DDX47: variants seen among roughly 807,000 people sequenced by gnomAD.
The protein encoded by DDX47 is DEAD-box helicase 47.
DDX47 carries 60 observed loss-of-function variants against 58.8 expected under a neutral mutation model. The ratio of observed to expected loss-of-function variants is 1.02; its 90% CI spans 0.83 to 1.26. DDX47 has a LOEUF of 1.26. Among genes scored for constraint, DDX47 ranks in the 50% most tolerant of loss-of-function variants. DDX47 has a pLI of 0.00. For synonymous variants in DDX47, 197 were observed against 204.6 expected (o/e 0.96, Z 0.32); for missense variants, 530 against 573.2 (o/e 0.92, Z 0.77).
intron 11 of DDX47, among the ~76,000 whole-genome samples, chr12:12,828,384 C>T (rs1222794263): frequency 6.6e-6 from 1 of 152,062 alleles, no homozygotes; most frequent in Non-Finnish European, 1.5e-5. Flanking sequence ...AGTTGAGCCC[C>T]ATCCCCAAGA....
chr12:12,814,280 C>T lies in DDX47; in HGVS notation c.181+56C>T, dbSNP rs1862863343. The T allele has an allele frequency of 1.9e-5, 20 of 1,078,830 alleles. 1 individual carries two copies. The South Asian group carries it at 2.5e-4, about 14-fold the overall frequency. The allele number at this position is 1,078,830 out of a possible 1,614,324, so 66.8% of individuals were successfully genotyped here. A position where few individuals can be genotyped will look rare whatever the true frequency, so the allele number is the denominator to read the frequency against. On this transcript the variant is annotated intron_variant, in intron 2 of 11. Coordinates refer to ENST00000358007, the MANE Select transcript of DDX47 (RefSeq NM_016355.4). ...ATAAAGTTATCTCAATTAGATACCC[C>T]TTTTGAAAGCTGTTGCTTGCATACT...
intron 3 of DDX47, 93 bp from the exon 4 acceptor site, chr12:12,821,562 C>G: frequency 1.4e-6 from 2 of 1,444,568 alleles, no homozygotes; most frequent in Non-Finnish European, 1.9e-6. Flanking sequence ...AAGAACAAAT[C>G]TAAGTAGAAA....
In DDX47 at chr12:12,813,353, G is replaced by T. The variant is rs1360172009; in HGVS notation, c.-15G>T. On this transcript the variant is annotated 5_prime_UTR_variant, in exon 1 of 12. Coordinates refer to ENST00000358007, the MANE Select transcript of DDX47 (RefSeq NM_016355.4). ...CCCGCGCGCCGCAGACCCACTTCCG[G>T]AGACCTCACACAAGATGGCGGCACC... 1.2e-6 allele frequency: 2 copies of T among 1,611,536 alleles called. No homozygotes were observed. Among genetic ancestry groups the T allele is most frequent in the Non-Finnish European group, 1.7e-6 (2 of 1,178,724 alleles).
chr12:12,827,334 CT>C lies in DDX47; in HGVS notation c.1196del (p.Leu399ArgfsTer16), dbSNP rs1314163616. The C allele has an allele frequency of 6.2e-7, 1 of 1,614,012 alleles. No individual in the cohort carries two copies. Among genetic ancestry groups the C allele is most frequent in the Non-Finnish European group, 8.5e-7 (1 of 1,180,018 alleles). ...AACACAGGATGATGAGGTTATGATG[CT>C]GACAGAACGCGTCGCTGAAGCCCAA... ...FPTQDDEVMMLTERVAEAQRF... is the reference protein window; with the variant it reads ...FPTQDDEVMMXTERVAEAQRF... On this transcript the variant is annotated frameshift_variant, in exon 11 of 12. Coordinates refer to ENST00000358007, the MANE Select transcript of DDX47 (RefSeq NM_016355.4). LOFTEE classifies it high-confidence loss of function.
intron 10 of DDX47, 98 bp downstream of exon 10, chr12:12,826,168 C>G: frequency 2.2e-6 from 2 of 901,176 alleles, no homozygotes; most frequent in Admixed American, 5.6e-5. Flanking sequence ...CTACACTAAT[C>G]ACTTTCATAC....
chr12:12,815,309 T>G (rs1185695510), intron 2 of DDX47, among the ~76,000 whole-genome samples: 1 of 152,220 alleles, frequency 6.6e-6, no homozygotes, highest in Non-Finnish European at 1.5e-5. Flanking sequence ...AGCTGTCATG[T>G]GGAAAAGGGG....
intron 5 of DDX47, 81 bp downstream of exon 5, chr12:12,822,164 A>C (rs997230235): frequency 2.4e-6 from 2 of 835,428 alleles, no homozygotes; most frequent in Non-Finnish European, 4.1e-6. Flanking sequence ...CACTTGTTTC[A>C]TGTAGAACAT....
At position 12,816,032 on chromosome 12, in the gene DDX47, TAAGC is replaced by T. The variant is rs1413329883; in HGVS notation, c.181+1812_181+1815del. Among the ~76,000 whole-genome samples, 4 of 152,260 alleles carry T rather than the reference TAAGC, an allele frequency of 2.6e-5. No homozygotes were observed. The East Asian group carries it at 7.7e-4, about 29-fold the overall frequency. On this transcript the variant is annotated intron_variant, in intron 2 of 11. Coordinates refer to ENST00000358007, the MANE Select transcript of DDX47 (RefSeq NM_016355.4). ...GAATCATTATGATTTTACAACCAGT[TAAGC>T]AAGTGGAAGGCAAGGAAGGGGTGGG... is the stretch of plus-strand genomic sequence containing the variant.
At chr12:12,826,549 C>T (rs1320766136) in intron 10 of DDX47, among the ~76,000 whole-genome samples, 4 of 151,764 alleles carry the variant, frequency 2.6e-5, no homozygotes, top group Admixed American at 2.6e-4. Flanking sequence ...CTCAAGCAAT[C>T]CTCCTACCTC....
intron 7 of DDX47, 33 bp downstream of exon 7, chr12:12,823,352 C>A (rs1216045610): frequency 7.9e-7 from 1 of 1,258,420 alleles, no homozygotes; most frequent in East Asian, 2.3e-5. Flanking sequence ...TCCTGCCTCT[C>A]CCTCTTCTTT....
At position 12,829,742 on chromosome 12, in the gene DDX47, A is replaced by G. The variant is rs977892975; in HGVS notation, c.*188A>G. 19 of 585,926 alleles carry G rather than the reference A, an allele frequency of 3.2e-5. No homozygotes were observed. The African/African-American group carries it at 3.4e-4, about 11-fold the overall frequency. 36.3% of individuals were successfully genotyped at this position (585,926 alleles called of 1,614,324 possible). On this transcript the variant is annotated 3_prime_UTR_variant, in exon 12 of 12. Transcript: ENST00000358007. ...AGTAATTCTTACAGTGCTGATGTCAAGACTGTTACTGTTCTTCGACTTTGA... is the reference window on the plus strand; with the variant it reads ...AGTAATTCTTACAGTGCTGATGTCAGGACTGTTACTGTTCTTCGACTTTGA...
chr12:12,823,622 G>T, intron 7 of DDX47: 1 of 553,806 alleles, frequency 1.8e-6, no homozygotes, highest in South Asian at 2.4e-5. Context: ...GAAGCCCCTG[G>T]TTTTGTGCTT....
rs1242801934 is a variant in DDX47, at chr12:12,821,286, T to G, written c.260T>G (p.Leu87Arg). The G allele has an allele frequency of 6.2e-7, 1 of 1,614,244 alleles. No homozygotes were observed. The highest frequency in any genetic ancestry group is 8.5e-7 in the Non-Finnish European group (1 of 1,180,040). ...GCTTTGCCCATTCTAAACGCACTGC[T>G]GGAGACCCCGCAGCGTTTGTTTGCC... Reference protein sequence around the residue: ...AFALPILNALLETPQRLFALV... With the variant: ...AFALPILNALRETPQRLFALV... Residue 87 changes from leucine to arginine, a missense_variant, in exon 3 of 12, where the codon CTG becomes CGG. By Grantham distance (102) the Leu-to-Arg change is moderately radical. Coordinates refer to ENST00000358007, the MANE Select transcript of DDX47 (RefSeq NM_016355.4).
chr12:12,816,394 G>T (rs1862898242), intron 2 of DDX47, among the ~76,000 whole-genome samples: 1 of 152,146 alleles, frequency 6.6e-6, no homozygotes, highest in South Asian at 2.1e-4. Context: ...TGACAGATAT[G>T]TTAATGAGCT....
At chr12:12,814,010 A>G in intron 1 of DDX47, 121 bp from the exon 2 acceptor site, 1 of 727,822 alleles carries the variant, frequency 1.4e-6, no homozygotes, top group Middle Eastern at 2.4e-4. Context: ...TCTGAGATGC[A>G]CAGTAAATAC....
intron 5 of DDX47, among the ~76,000 whole-genome samples, 159 bp downstream of exon 5, chr12:12,822,242 G>C (rs1862985807): frequency 6.6e-6 from 1 of 152,056 alleles, no homozygotes; most frequent in African/African-American, 2.4e-5. Flanking sequence ...TTTATCTTTA[G>C]AATATAGTCT....
In DDX47 at chr12:12,821,988, C is replaced by A; in HGVS notation, c.466C>A (p.His156Asn). The A allele has an allele frequency of 1.2e-6, 2 of 1,613,664 alleles. No homozygotes were observed. The highest frequency in any genetic ancestry group is 1.1e-5 in the South Asian group (1 of 91,070). ...IIATPGRLID[H>N]LENTKGFNLR... ...AGCAACTCCTGGTCGACTGATTGACCACTTGGAAAATACGAAAGGTTTCAA... is the reference window on the plus strand; with the variant it reads ...AGCAACTCCTGGTCGACTGATTGACAACTTGGAAAATACGAAAGGTTTCAA... The change falls in exon 5 of 12, where the codon CAC becomes AAC. Residue 156 changes from histidine to asparagine, a missense_variant. His to Asn is a moderately conservative substitution (Grantham distance 68). Coordinates refer to ENST00000358007, the MANE Select transcript of DDX47 (RefSeq NM_016355.4).
chr12:12,818,959 C>T (rs1051752530), intron 2 of DDX47, among the ~76,000 whole-genome samples: 6 of 152,254 alleles, frequency 3.9e-5, no homozygotes, highest in Non-Finnish European at 2.9e-5. Flanking sequence ...TATGGGAGTA[C>T]GACTCAAGAT....
intron 2 of DDX47, 29 bp from the exon 3 acceptor site, chr12:12,821,179 C>T: frequency 6.2e-7 from 1 of 1,609,936 alleles, no homozygotes. Flanking sequence ...AAAGAGATTA[C>T]TTGGCTGTTG....
Sources: gnomAD v4.1 joint callset for allele counts (sites outside exome capture counted in the v4.1 genomes callset) on GRCh38, gnomAD v4.1.1 for gene constraint, MANE v1.5 for transcripts, NCBI Gene and HGNC (gene_info 2026-07-23, HGNC 2026-07-21) for gene names.